Variants in PTPRT observed in about 807,000 individuals in gnomAD.
PTPRT encodes protein tyrosine phosphatase receptor type T.
Under a neutral mutation model 176.8 loss-of-function variants are expected in PTPRT, and 56 were observed. The observed-to-expected ratio is 0.32, with a 90% confidence interval of 0.26 to 0.40. PTPRT has a LOEUF of 0.40. Ranked by LOEUF, PTPRT falls within the 10% of genes least tolerant of loss-of-function variation. The probability of loss-of-function intolerance (pLI) is 1.00; values close to 1 mark genes in which losing one functional copy is unlikely to be tolerated. For synonymous variants in PTPRT, 783 were observed against 739.0 expected, an observed-to-expected ratio of 1.06 and a Z score of -0.96; for missense variants, 1,540 against 1,908.2, an observed-to-expected ratio of 0.81 and a Z score of 3.60.
At chr20:43,187,265 C>T (rs1281447710) in intron 1 of PTPRT, among the ~76,000 whole-genome samples, 1 of 152,124 alleles carries the variant, frequency 6.6e-6, no homozygotes, top group Non-Finnish European at 1.5e-5. Flanking sequence ...ATGGAAAACA[C>T]ACTACTTAGT....
intron 2 of PTPRT, among the ~76,000 whole-genome samples, chr20:42,827,619 A>T (rs1488542543): frequency 6.6e-6 from 1 of 152,090 alleles, no homozygotes; most frequent in African/African-American, 2.4e-5. Flanking sequence ...TCCCCACCCA[A>T]ATCTCATTGT....
chr20:43,011,175 C>T (rs1985102107), intron 1 of PTPRT, among the ~76,000 whole-genome samples: 1 of 152,062 alleles, frequency 6.6e-6, no homozygotes, highest in African/African-American at 2.4e-5. Context: ...AGCCTATGTT[C>T]CCACAAACTC....
intron 16 of PTPRT, among the ~76,000 whole-genome samples, chr20:42,174,638 T>C (rs1990213750): frequency 6.6e-6 from 1 of 152,142 alleles, no homozygotes; most frequent in Non-Finnish European, 1.5e-5. Context: ...CTAGAGTGTT[T>C]GAAGAATCTG....
intron 1 of PTPRT, among the ~76,000 whole-genome samples, chr20:43,104,496 C>A (rs1437684239): frequency 1.3e-5 from 2 of 152,152 alleles, no homozygotes; most frequent in Non-Finnish European, 2.9e-5. Flanking sequence ...AGCTATTTAA[C>A]CCCCCTGAAA....
chr20:42,192,684 A>G (rs1408159539), intron 16 of PTPRT, among the ~76,000 whole-genome samples: 1 of 152,092 alleles, frequency 6.6e-6, no homozygotes, highest in Non-Finnish European at 1.5e-5. Flanking sequence ...CCATTGCACA[A>G]AGTCCTGTAA....
At chr20:42,323,401 A>C (rs1012370966) in intron 11 of PTPRT, among the ~76,000 whole-genome samples, 24 of 152,296 alleles carry the variant, frequency 1.6e-4, no homozygotes, top group South Asian at 6.2e-4. Flanking sequence ...AAAATGTGGC[A>C]CATATACACC....
chr20:42,253,945 G>C (rs79945964), intron 13 of PTPRT, among the ~76,000 whole-genome samples: 5,629 of 152,272 alleles, frequency 0.037, 121 homozygotes, highest in Middle Eastern at 0.13. Context: ...CTCCAGCCCA[G>C]AGTCTTAATC....
At chr20:42,922,391 C>T (rs1174458801) in intron 1 of PTPRT, among the ~76,000 whole-genome samples, 1 of 152,188 alleles carries the variant, frequency 6.6e-6, no homozygotes. Context: ...TATCCATACA[C>T]TGACTACTCC....
intron 7 of PTPRT, among the ~76,000 whole-genome samples, chr20:42,540,355 A>G (rs1019431753): frequency 1.3e-5 from 2 of 152,158 alleles, no homozygotes; most frequent in Admixed American, 6.5e-5. Context: ...TTTCTTAGGA[A>G]GCTACTAAAG....
At chr20:42,947,616 T>C (rs1279352650) in intron 1 of PTPRT, among the ~76,000 whole-genome samples, 1 of 152,200 alleles carries the variant, frequency 6.6e-6, no homozygotes. Context: ...ACTTTCATAT[T>C]ACAGTAAATA....
intron 3 of PTPRT, among the ~76,000 whole-genome samples, chr20:42,783,756 C>T (rs144044674): frequency 3.3e-5 from 5 of 152,286 alleles, no homozygotes; most frequent in Admixed American, 6.5e-5. Context: ...AATTCAACCA[C>T]GGCCCTTGAG....
intron 7 of PTPRT, among the ~76,000 whole-genome samples, chr20:42,507,079 C>T (rs908739881): frequency 6.6e-6 from 1 of 152,138 alleles, no homozygotes; most frequent in Non-Finnish European, 1.5e-5. Context: ...CGCCCCAAAT[C>T]TTAGTGGCTT....
chr20:42,884,956 G>A (rs2079079130), intron 2 of PTPRT, among the ~76,000 whole-genome samples: 1 of 151,998 alleles, frequency 6.6e-6, no homozygotes, highest in Non-Finnish European at 1.5e-5. Context: ...TAGAGTCTAA[G>A]TGTTCTCTCT....
Position 42,099,552 on chromosome 20 carries a change from G to C in PTPRT, c.3715-1000C>G, listed in dbSNP as rs576953854. Among the ~76,000 whole-genome samples, 227 of 60,332 alleles carry C rather than the reference G, an allele frequency of 3.8e-3. 3 individuals carry two copies. The highest frequency in any genetic ancestry group is 9.8e-3 in the African/African-American group (213 of 21,746). The allele number at this position is 60,332 out of a possible 152,430, so 39.6% of individuals were successfully genotyped here. On this transcript the variant is annotated intron_variant, in intron 26 of 30. Coordinates refer to ENST00000373187, the MANE Select transcript of PTPRT (RefSeq NM_007050.6). ...CCAGAGAAAATGGCCTGGGCGGGGG[G>C]GGGGGGGGTGGGGTGGTCTGGCAGC...
At chr20:43,027,572 C>G (rs958990317) in intron 1 of PTPRT, among the ~76,000 whole-genome samples, 1 of 151,894 alleles carries the variant, frequency 6.6e-6, no homozygotes, top group African/African-American at 2.4e-5. Flanking sequence ...ACAGCAGGGA[C>G]GTGTGGCACA....
At chr20:42,895,868 T>C (rs2079286872) in intron 1 of PTPRT, among the ~76,000 whole-genome samples, 5 of 152,186 alleles carry the variant, frequency 3.3e-5, no homozygotes. Flanking sequence ...TTTAACGACA[T>C]AAAAATTCCC....
At chr20:43,112,044 A>C (rs1462287631) in intron 1 of PTPRT, among the ~76,000 whole-genome samples, 1 of 152,224 alleles carries the variant, frequency 6.6e-6, no homozygotes, top group Non-Finnish European at 1.5e-5. Flanking sequence ...TCTCCAATCC[A>C]CTTGGGTGGG....
rs1417849879 is a variant in PTPRT at position 42,074,028 on chromosome 20, G to A, written c.*6851C>T. The A allele has an allele frequency of 4.3e-6, 1 of 230,174 alleles. No individual in the cohort carries two copies. The highest frequency in any genetic ancestry group is 8.6e-6 in the Non-Finnish European group (1 of 116,216). 14.3% of individuals were successfully genotyped at this position (230,174 alleles called of 1,614,324 possible). The stretch of plus-strand genomic sequence containing the variant: ...TAGTTATACTCAGAGGAGTGACCTG[G>A]GTCTAGCAAACTGTGCTTGACTTCA... On this transcript the variant is annotated 3_prime_UTR_variant, in exon 31 of 31. Transcript: ENST00000373187.
chr20:42,460,848 T>G (rs558320200), intron 8 of PTPRT, among the ~76,000 whole-genome samples: 1 of 152,276 alleles, frequency 6.6e-6, no homozygotes, highest in Admixed American at 6.5e-5. Flanking sequence ...CCTTTATAAA[T>G]TACACAGTTT....
Sources: allele counts gnomAD v4.1 joint callset (sites outside exome capture counted in the v4.1 genomes callset), GRCh38; gene constraint gnomAD v4.1.1; transcripts MANE v1.5; gene names NCBI Gene and HGNC (gene_info 2026-07-23, HGNC 2026-07-21).